The following TMCC1 variants were observed in gnomAD, a reference collection of about 807,000 sequenced individuals.
TMCC1 encodes transmembrane and coiled-coil domains protein 1.
A neutral mutation model predicts 52.4 loss-of-function variants in TMCC1; 15 were observed. The ratio of observed to expected loss-of-function variants is 0.29; its 90% CI spans 0.19 to 0.44. The LOEUF (loss-of-function observed/expected upper bound fraction) is 0.44. Among genes scored for constraint, TMCC1 ranks in the 20% least tolerant of loss-of-function variants. The pLI is 1.00. For synonymous variants in TMCC1, 279 were observed against 301.9 expected, an observed-to-expected ratio of 0.92 and a Z score of 0.79; for missense variants, 503 against 806.0, an observed-to-expected ratio of 0.62 and a Z score of 4.55.
chr3:129,656,453 C>G (rs913453938), intron 5 of TMCC1, among the ~76,000 whole-genome samples: 2 of 152,182 alleles, frequency 1.3e-5, no homozygotes, highest in African/African-American at 4.8e-5. Context: ...CTAAAACTAT[C>G]TCCTTTCTTT....
intron 4 of TMCC1, among the ~76,000 whole-genome samples, chr3:129,708,459 T>C (rs568474783): frequency 6.6e-6 from 1 of 152,372 alleles, no homozygotes; most frequent in Admixed American, 6.5e-5. Context: ...TGTTTGCTTT[T>C]TCTTTAACTG....
At chr3:129,872,235 C>T (rs746614356) in intron 2 of TMCC1, among the ~76,000 whole-genome samples, 2 of 152,120 alleles carry the variant, frequency 1.3e-5, no homozygotes, top group Admixed American at 1.3e-4. Flanking sequence ...GGCAATATGG[C>T]TATCATATTC....
chr3:129,695,038 T>A (rs904729380), intron 4 of TMCC1, among the ~76,000 whole-genome samples: 2 of 136,604 alleles, frequency 1.5e-5, no homozygotes, highest in African/African-American at 5.3e-5. Context: ...TGAAATTTGC[T>A]TTGAGTTGTG....
At chr3:129,667,532 T>C (rs1451111640) in intron 5 of TMCC1, among the ~76,000 whole-genome samples, 1 of 152,198 alleles carries the variant, frequency 6.6e-6, no homozygotes, top group Non-Finnish European at 1.5e-5. Flanking sequence ...GTATGTCTTC[T>C]CCTTGCCTCC....
intron 4 of TMCC1, among the ~76,000 whole-genome samples, chr3:129,720,470 T>C (rs2049481856): frequency 6.6e-6 from 1 of 151,946 alleles, no homozygotes; most frequent in Non-Finnish European, 1.5e-5. Flanking sequence ...CGTGGATGAG[T>C]GTTAAAAAGA....
At chr3:129,750,084 G>GTAAT (rs1455037240) in intron 4 of TMCC1, among the ~76,000 whole-genome samples, 1 of 152,170 alleles carries the variant, frequency 6.6e-6, no homozygotes, top group East Asian at 1.9e-4. Flanking sequence ...TTCATTCACA[G>GTAAT]TAATAGTGTT....
In TMCC1 at chr3:129,670,915, A is replaced by G; in HGVS notation, c.926T>C (p.Val309Ala). Reference protein sequence around the residue: ...LEHYHRKLREVEQNGIPRQPK... With the variant: ...LEHYHRKLREAEQNGIPRQPK... ...CTGCCGGGGGATCCCATTCTGCTCTACCTCTCTGAGCTTCCTGTGGTAGTG... is the reference window on the plus strand; with the variant it reads ...CTGCCGGGGGATCCCATTCTGCTCTGCCTCTCTGAGCTTCCTGTGGTAGTG... Residue 309 changes from valine to alanine, a missense_variant, in exon 5 of 7, where the codon GTA (valine) becomes GCA (alanine). This residue lies in a region of TMCC1 where 73 missense variants were observed against 182.9 expected (regional missense o/e 0.40). Transcript: ENST00000393238. The G allele has an allele frequency of 6.2e-7, 1 of 1,613,976 alleles. No homozygotes were observed. The highest frequency in any genetic ancestry group is 8.5e-7 in the Non-Finnish European group (1 of 1,180,016).
At chr3:129,892,442 T>C (rs1484028483) in intron 1 of TMCC1, 3 of 152,104 alleles carry the variant, frequency 2.0e-5, no homozygotes, top group Non-Finnish European at 4.4e-5. Flanking sequence ...TCTCCTAATA[T>C]ACAGAGAAAA....
intron 4 of TMCC1, among the ~76,000 whole-genome samples, chr3:129,818,175 T>G (rs1011212431): frequency 6.6e-6 from 1 of 151,776 alleles, no homozygotes; most frequent in Non-Finnish European, 1.5e-5. Flanking sequence ...ACTCCCAACC[T>G]CAAGTGATCC....
chr3:129,802,083 A>G (rs2057229558), intron 4 of TMCC1, among the ~76,000 whole-genome samples: 1 of 152,208 alleles, frequency 6.6e-6, no homozygotes, highest in South Asian at 2.1e-4. Flanking sequence ...AATATTTGTG[A>G]ATGCCAGGAA....
chr3:129,863,632 C>T (rs2060493743), intron 2 of TMCC1, among the ~76,000 whole-genome samples: 1 of 152,160 alleles, frequency 6.6e-6, no homozygotes, highest in African/African-American at 2.4e-5. Flanking sequence ...GAGGCCGAGG[C>T]AGACGGATCA....
chr3:129,813,985 A>ATTT (rs58055079), intron 4 of TMCC1, among the ~76,000 whole-genome samples: 7 of 145,854 alleles, frequency 4.8e-5, no homozygotes, highest in South Asian at 2.2e-4. Flanking sequence ...CTTTTTCCTT[A>ATTT]TTTTTTTTTT....
intron 4 of TMCC1, among the ~76,000 whole-genome samples, chr3:129,714,763 A>G (rs1360013248): frequency 1.3e-5 from 2 of 152,242 alleles, no homozygotes; most frequent in African/African-American, 4.8e-5. Flanking sequence ...ATGATTCCCT[A>G]TAAACTTTTC....
intron 4 of TMCC1, among the ~76,000 whole-genome samples, chr3:129,792,874 T>C (rs1201763197): frequency 6.6e-6 from 1 of 152,224 alleles, no homozygotes; most frequent in Non-Finnish European, 1.5e-5. Context: ...AAAAGTGTAC[T>C]TTTTGTAAAT....
intron 4 of TMCC1, among the ~76,000 whole-genome samples, chr3:129,779,861 G>GT (rs571880173): frequency 5.5e-4 from 84 of 152,262 alleles, no homozygotes; most frequent in African/African-American, 2.0e-3. Context: ...TCAATCTTGA[G>GT]TTATCAATTA....
At chr3:129,671,366 A>T in intron 4 of TMCC1, 102 bp from the exon 5 acceptor site, 1 of 1,221,598 alleles carries the variant, frequency 8.2e-7, no homozygotes, top group Non-Finnish European at 1.1e-6. Flanking sequence ...CTCAAATCTC[A>T]GTAGATAACT....
At chr3:129,668,543 G>A (rs2087656389) in intron 5 of TMCC1, among the ~76,000 whole-genome samples, 1 of 152,130 alleles carries the variant, frequency 6.6e-6, no homozygotes, top group Admixed American at 6.5e-5. Context: ...AAAGACACAG[G>A]TGTTTTACTT....
chr3:129,810,514 A>G (rs1383954685), intron 4 of TMCC1, among the ~76,000 whole-genome samples: 1 of 152,230 alleles, frequency 6.6e-6, no homozygotes, highest in Non-Finnish European at 1.5e-5. Flanking sequence ...CTGACAATAG[A>G]AAACAGCTTG....
intron 5 of TMCC1, among the ~76,000 whole-genome samples, chr3:129,668,095 G>A (rs973342720): frequency 5.1e-4 from 78 of 152,264 alleles, no homozygotes; most frequent in African/African-American, 1.5e-3. Flanking sequence ...GGTTGAGATG[G>A]GAGGATCACT....
Sources: gnomAD v4.1 joint callset for allele counts (sites outside exome capture counted in the v4.1 genomes callset) on GRCh38, gnomAD v4.1.1 for gene constraint, gnomAD v4.1.1 regional missense constraint, MANE v1.5 for transcripts, NCBI Gene and HGNC (gene_info 2026-07-23, HGNC 2026-07-21) for gene names.